PHF21A: variants seen among roughly 807,000 people sequenced by gnomAD.
PHF21A encodes the protein PHD finger protein 21A, also known as BHC80a.
In PHF21A, 11 loss-of-function variants were observed where a neutral mutation model predicts 82.5. The observed-to-expected ratio is 0.13, with a 90% CI of 0.08 to 0.22. PHF21A has a LOEUF of 0.22. Among genes scored for constraint, PHF21A ranks in the 10% least tolerant of loss-of-function variants. The pLI is 1.00. For synonymous variants in PHF21A, 297 were observed against 302.8 expected, an observed-to-expected ratio of 0.98 and a Z score of 0.20; for missense variants, 579 against 837.8, an observed-to-expected ratio of 0.69 and a Z score of 3.81.
chr11:45,947,944 T>C (rs1254761229), intron 14 of PHF21A, among the ~76,000 whole-genome samples: 1 of 152,176 alleles, frequency 6.6e-6, no homozygotes, highest in East Asian at 1.9e-4. Context: ...TATATCTCTT[T>C]TGTGGAGAGG....
chr11:46,088,959 G>A (rs1593061395), intron 3 of PHF21A, among the ~76,000 whole-genome samples: 1 of 152,078 alleles, frequency 6.6e-6, no homozygotes, highest in South Asian at 2.1e-4. Context: ...ATATTTTGCT[G>A]TTACTGAGTT....
intron 6 of PHF21A, among the ~76,000 whole-genome samples, chr11:45,999,885 A>G (rs973577471): frequency 6.6e-6 from 1 of 152,254 alleles, no homozygotes; most frequent in African/African-American, 2.4e-5. Flanking sequence ...AGGATGAGGC[A>G]TAGCAGTGGT....
At chr11:45,974,952 T>TTTTA (rs1016543125) in intron 7 of PHF21A, among the ~76,000 whole-genome samples, 21 of 152,248 alleles carry the variant, frequency 1.4e-4, no homozygotes, top group South Asian at 2.1e-4. Context: ...GCAAAATCCT[T>TTTTA]TTTATTTATT....
rs1224696520 is a variant in PHF21A at position 45,939,744 on chromosome 11, T to C, written c.1453-1432A>G. On this transcript the variant is annotated intron_variant, in intron 15 of 18. Transcript: ENST00000676320. ...CACCATCAGAATAAAGCAGATCTAC[T>C]TAAAATTGGAAGAGGAGAACATAGC... Among the ~76,000 whole-genome samples, 5 of 131,064 alleles carry C rather than the reference T, an allele frequency of 3.8e-5. No homozygotes were observed. The East Asian group carries it at 1.1e-3, about 30-fold the overall frequency. The allele number at this position is 131,064 out of a possible 152,430, so 86.0% of individuals were successfully genotyped here.
intron 7 of PHF21A, among the ~76,000 whole-genome samples, chr11:45,973,103 A>T (rs1444741048): frequency 1.3e-5 from 2 of 152,166 alleles, no homozygotes; most frequent in African/African-American, 2.4e-5. Context: ...AAATAAAAAT[A>T]AAAACTAAAT....
chr11:46,051,342 C>G (rs966486213), intron 6 of PHF21A, among the ~76,000 whole-genome samples: 1 of 152,078 alleles, frequency 6.6e-6, no homozygotes, highest in African/African-American at 2.4e-5. Context: ...TCAGTGCTGC[C>G]TGGGGGCCCA....
intron 15 of PHF21A, among the ~76,000 whole-genome samples, chr11:45,939,750 T>C (rs79981700): frequency 0.013 from 1,540 of 121,700 alleles, 35 homozygotes; most frequent in African/African-American, 0.048. Flanking sequence ...CTACTTAAAA[T>C]TGGAAGAGGA....
intron 1 of PHF21A, among the ~76,000 whole-genome samples, chr11:46,105,787 G>C (rs1238320224): frequency 2.0e-5 from 3 of 152,116 alleles, no homozygotes; most frequent in Non-Finnish European, 4.4e-5. Context: ...TCAATTCTTA[G>C]ACTACCTTCT....
At chr11:45,968,791 G>A (rs1288615738) in intron 9 of PHF21A, among the ~76,000 whole-genome samples, 5 of 152,054 alleles carry the variant, frequency 3.3e-5, no homozygotes, top group East Asian at 1.9e-4. Flanking sequence ...TTAGCCGGGC[G>A]TGGTGGCACA....
intron 6 of PHF21A, among the ~76,000 whole-genome samples, chr11:46,043,706 G>T (rs1342333045): frequency 2.0e-4 from 30 of 151,902 alleles, no homozygotes; most frequent in Admixed American, 2.0e-3. Context: ...TTTAAATCAG[G>T]CAGACAAGTC....
At chr11:46,081,399 T>G (rs532446895) in intron 4 of PHF21A, among the ~76,000 whole-genome samples, 45 of 152,300 alleles carry the variant, frequency 3.0e-4, no homozygotes, top group African/African-American at 8.9e-4. Context: ...TGAAAAAAGC[T>G]CTTGATTTTC....
intron 6 of PHF21A, among the ~76,000 whole-genome samples, chr11:46,007,333 C>T (rs1409102503): frequency 8.4e-5 from 12 of 143,614 alleles, no homozygotes; most frequent in Non-Finnish European, 1.7e-4. Flanking sequence ...TTTTTTTTTT[C>T]GAGATGGAGT....
At chr11:45,996,630 G>A (rs2094918409) in intron 6 of PHF21A, among the ~76,000 whole-genome samples, 1 of 152,194 alleles carries the variant, frequency 6.6e-6, no homozygotes, top group African/African-American at 2.4e-5. Context: ...TCTACCCTGA[G>A]CAAAGGCTAG....
intron 6 of PHF21A, among the ~76,000 whole-genome samples, chr11:45,990,894 G>A (rs1178004920): frequency 2.6e-5 from 4 of 151,960 alleles, no homozygotes; most frequent in Non-Finnish European, 5.9e-5. Context: ...CAATACTGTC[G>A]AAGTCCACAG....
intron 4 of PHF21A, among the ~76,000 whole-genome samples, chr11:46,082,870 G>A (rs987305811): frequency 6.6e-6 from 1 of 152,092 alleles, no homozygotes; most frequent in African/African-American, 2.4e-5. Flanking sequence ...AACTAAAGCA[G>A]AATGTTAACT....
intron 6 of PHF21A, among the ~76,000 whole-genome samples, chr11:46,005,904 C>T (rs1214537792): frequency 6.6e-6 from 1 of 152,100 alleles, no homozygotes; most frequent in African/African-American, 2.4e-5. Flanking sequence ...CTTTAAAAAA[C>T]TTCAACTTCA....
intron 15 of PHF21A, among the ~76,000 whole-genome samples, chr11:45,943,416 G>A (rs902604811): frequency 1.3e-5 from 2 of 152,060 alleles, no homozygotes; most frequent in African/African-American, 4.8e-5. Context: ...CTGGGCTCAA[G>A]CAATCCACCC....
intron 15 of PHF21A, among the ~76,000 whole-genome samples, chr11:45,945,517 A>G (rs1332423773): frequency 6.6e-6 from 1 of 152,208 alleles, no homozygotes; most frequent in Non-Finnish European, 1.5e-5. Context: ...CACTGATGAT[A>G]GAAACCTGCA....
chr11:46,022,033 T>C (rs2095642188), intron 6 of PHF21A, among the ~76,000 whole-genome samples: 1 of 152,214 alleles, frequency 6.6e-6, no homozygotes, highest in Non-Finnish European at 1.5e-5. Context: ...ATATTTTCTT[T>C]AAAGAGACAC....
Sources: allele counts gnomAD v4.1 joint callset (sites outside exome capture counted in the v4.1 genomes callset), GRCh38; gene constraint gnomAD v4.1.1; transcripts MANE v1.5; gene names NCBI Gene and HGNC (gene_info 2026-07-23, HGNC 2026-07-21).